Variants in IGF2BP3 observed in about 807,000 individuals in gnomAD.
IGF2BP3 encodes the protein insulin-like growth factor 2 mRNA-binding protein 3.
Under a neutral mutation model 73.8 loss-of-function variants are expected in IGF2BP3, and 9 were observed. The observed-to-expected ratio is 0.12, with a 90% CI of 0.07 to 0.21. The LOEUF is 0.21. Among genes scored for constraint, IGF2BP3 ranks in the 10% least tolerant of loss-of-function variants. IGF2BP3 has a pLI of 1.00. For missense variants in IGF2BP3, 542 were observed against 714.0 expected, an observed-to-expected ratio of 0.76 and a Z score of 2.75; for synonymous variants, 258 against 256.7, an observed-to-expected ratio of 1.01 and a Z score of -0.05.
At chr7:23,381,900 C>T (rs1324952337) in intron 3 of IGF2BP3, among the ~76,000 whole-genome samples, 1 of 151,588 alleles carries the variant, frequency 6.6e-6, no homozygotes, top group Non-Finnish European at 1.5e-5. Flanking sequence ...ACGTCAAAGT[C>T]CAAAGTTTAA....
At chr7:23,436,631 G>A (rs2128543622) in intron 2 of IGF2BP3, among the ~76,000 whole-genome samples, 1 of 152,250 alleles carries the variant, frequency 6.6e-6, no homozygotes, top group East Asian at 1.9e-4. Flanking sequence ...AACTTTACAT[G>A]ACTATCTGGT....
intron 3 of IGF2BP3, among the ~76,000 whole-genome samples, chr7:23,389,520 T>C (rs1001014724): frequency 1.3e-5 from 2 of 151,596 alleles, no homozygotes; most frequent in African/African-American, 2.4e-5. Context: ...AAGCAGGAAA[T>C]TACATGCAAT....
At chr7:23,334,111 G>A (rs10233942) in intron 10 of IGF2BP3, among the ~76,000 whole-genome samples, 60,593 of 151,898 alleles carry the variant, frequency 0.4, 12,354 homozygotes, top group Middle Eastern at 0.5. Flanking sequence ...TGAGGCGGGC[G>A]GATCCCTTGA....
intron 3 of IGF2BP3, among the ~76,000 whole-genome samples, chr7:23,401,639 C>T (rs942877738): frequency 2.0e-5 from 3 of 152,016 alleles, no homozygotes; most frequent in Non-Finnish European, 2.9e-5. Flanking sequence ...GTGGCAGTCA[C>T]CTGTAATCCC....
At chr7:23,457,813 T>C (rs1788357664) in intron 2 of IGF2BP3, among the ~76,000 whole-genome samples, 1 of 152,260 alleles carries the variant, frequency 6.6e-6, no homozygotes, top group Admixed American at 6.5e-5. Flanking sequence ...CCACATTTTA[T>C]GTATTTTGAA....
chr7:23,351,427 G>T lies in IGF2BP3; in HGVS notation c.561C>A (p.Ser187=). Reference sequence around the variant, plus strand: ...AATCACATGGTTTCTGCTTGGATACGGATCCTGGAGACCCCTGCCTTGAGG... The same window carrying T: ...AATCACATGGTTTCTGCTTGGATACTGATCCTGGAGACCCCTGCCTTGAGG... The part of the protein sequence containing the change: ...RGSSRQGSPG[S]VSKQKPCDLP... The change falls in exon 6 of 15, where the codon TCC becomes TCA. Residue 187 remains serine (S), a synonymous_variant. Transcript: ENST00000258729. 1.2e-6 allele frequency: 2 copies of T among 1,613,572 alleles called. No homozygotes were observed. The highest frequency in any genetic ancestry group is 1.7e-6 in the Non-Finnish European group (2 of 1,179,828).
At chr7:23,394,057 G>T (rs974920443) in intron 3 of IGF2BP3, among the ~76,000 whole-genome samples, 1 of 151,164 alleles carries the variant, frequency 6.6e-6, no homozygotes, top group African/African-American at 2.5e-5. Flanking sequence ...CAGGTATAGG[G>T]GTTGTGTGAT....
At chr7:23,361,358 T>C (rs1281091316) in intron 5 of IGF2BP3, 176 bp downstream of exon 5, 9 of 566,740 alleles carry the variant, frequency 1.6e-5, no homozygotes, top group Admixed American at 3.2e-5. Flanking sequence ...TTAACCAATG[T>C]AGATTTTTAC....
intron 5 of IGF2BP3, among the ~76,000 whole-genome samples, chr7:23,359,966 G>A (rs1785185089): frequency 6.6e-6 from 1 of 151,690 alleles, no homozygotes. Context: ...AATTTTACAT[G>A]AACAAAGGAT....
At chr7:23,343,898 G>A (rs750327654) in intron 8 of IGF2BP3, 45 bp from the exon 9 acceptor site, 10 of 1,588,408 alleles carry the variant, frequency 6.3e-6, no homozygotes, top group Non-Finnish European at 6.8e-6. Context: ...GAAAATTGGA[G>A]GAAGACAGCT....
At chr7:23,385,006 T>C (rs1786037976) in intron 3 of IGF2BP3, among the ~76,000 whole-genome samples, 1 of 152,250 alleles carries the variant, frequency 6.6e-6, no homozygotes, top group Non-Finnish European at 1.5e-5. Flanking sequence ...AACCCCATTA[T>C]AAGTTGATAA....
At chr7:23,462,076 T>G (rs1292224812) in intron 2 of IGF2BP3, among the ~76,000 whole-genome samples, 1 of 152,244 alleles carries the variant, frequency 6.6e-6, no homozygotes, top group African/African-American at 2.4e-5. Flanking sequence ...GACGGCCAGT[T>G]ACATCAGCAA....
intron 2 of IGF2BP3, among the ~76,000 whole-genome samples, chr7:23,421,693 A>AG (rs1787353444): frequency 6.6e-6 from 1 of 150,562 alleles, no homozygotes; most frequent in Admixed American, 6.6e-5. Context: ...TCCATCTCAA[A>AG]AAAAAAAAAA....
chr7:23,352,644 G>C (rs1784994651), intron 5 of IGF2BP3, among the ~76,000 whole-genome samples: 1 of 151,988 alleles, frequency 6.6e-6, no homozygotes, highest in Non-Finnish European at 1.5e-5. Flanking sequence ...CAAATCTTGA[G>C]CATAAATTTC....
chr7:23,341,917 G>A (rs1784722496), intron 10 of IGF2BP3, 147 bp downstream of exon 10: 3 of 793,554 alleles, frequency 3.8e-6, no homozygotes, highest in Middle Eastern at 4.2e-4. Flanking sequence ...ATAATCCCAT[G>A]TCTACTCCAC....
chr7:23,406,681 G>A (rs1488976748), intron 3 of IGF2BP3, among the ~76,000 whole-genome samples: 1 of 152,180 alleles, frequency 6.6e-6, no homozygotes, highest in Non-Finnish European at 1.5e-5. Context: ...GGTTGCCACT[G>A]CTGGCTCAGG....
intron 5 of IGF2BP3, among the ~76,000 whole-genome samples, chr7:23,359,568 C>T (rs886517395): frequency 5.3e-5 from 8 of 151,964 alleles, no homozygotes; most frequent in African/African-American, 1.7e-4. Flanking sequence ...AAAACATGGC[C>T]GGGTGCAGCG....
At chr7:23,398,699 C>T (rs1263692104) in intron 3 of IGF2BP3, among the ~76,000 whole-genome samples, 1 of 152,184 alleles carries the variant, frequency 6.6e-6, no homozygotes, top group South Asian at 2.1e-4. Flanking sequence ...TTTTTGGCTG[C>T]ATAAATGTCT....
At chr7:23,410,019 A>C (rs1372853497) in intron 3 of IGF2BP3, among the ~76,000 whole-genome samples, 2 of 152,106 alleles carry the variant, frequency 1.3e-5, no homozygotes. Context: ...AAATACAAAA[A>C]TTAGCCAGGC....
Sources: allele counts gnomAD v4.1 joint callset (sites outside exome capture counted in the v4.1 genomes callset), GRCh38; gene constraint gnomAD v4.1.1; transcripts MANE v1.5; gene names NCBI Gene and HGNC (gene_info 2026-07-23, HGNC 2026-07-21).